Variants in WDR31 observed in about 807,000 individuals in gnomAD.
The protein encoded by WDR31 is WD repeat-containing protein 31.
Under a neutral mutation model 47.3 loss-of-function variants are expected in WDR31, and 30 were observed. The ratio of observed to expected loss-of-function variants is 0.63; its 90% confidence interval spans 0.47 to 0.86. The LOEUF is 0.86. Among genes scored for constraint, WDR31 ranks in the 40% least tolerant of loss-of-function variants. The pLI, the probability that WDR31 is intolerant of heterozygous loss-of-function variation, is 0.00. For synonymous variants in WDR31, 137 were observed against 159.4 expected, an observed-to-expected ratio of 0.86 and a Z score of 1.06; for missense variants, 406 against 442.9, an observed-to-expected ratio of 0.92 and a Z score of 0.75.
chr9:113,337,661 T>G (rs1046529634), intron 1 of WDR31, among the ~76,000 whole-genome samples: 1 of 152,090 alleles, frequency 6.6e-6, no homozygotes, highest in Non-Finnish European at 1.5e-5. Flanking sequence ...AGATGGGGTT[T>G]CACCATGTTG....
intron 3 of WDR31, 27 bp downstream of exon 3, chr9:113,331,880 T>C (rs373201943): frequency 1.3e-4 from 209 of 1,606,206 alleles, no homozygotes; most frequent in Non-Finnish European, 1.7e-4. Flanking sequence ...TGATAAAACC[T>C]GGGCTCCCAG....
intron 5 of WDR31, among the ~76,000 whole-genome samples, chr9:113,325,074 T>G (rs192209778): frequency 1.3e-5 from 2 of 152,190 alleles, no homozygotes; most frequent in African/African-American, 4.8e-5. Flanking sequence ...GCCTCCTGCA[T>G]AGCTGGGATT....
At chr9:113,329,712 G>A (rs1005242981) in intron 4 of WDR31, among the ~76,000 whole-genome samples, 2 of 151,634 alleles carry the variant, frequency 1.3e-5, no homozygotes, top group Non-Finnish European at 2.9e-5. Context: ...AGTGGCGCAC[G>A]CCTGTAATCC....
At position 113,321,621 on chromosome 9, in the gene WDR31, T is replaced by C. The variant is rs750507785; in HGVS notation, c.571-43A>G. 267 of 1,567,274 alleles carry C rather than the reference T, an allele frequency of 1.7e-4. 1 individual carries two copies. The highest frequency in any genetic ancestry group is 4.8e-5 in the Non-Finnish European group (55 of 1,140,004). ...TTCAGAACTTCTCCACACCAAGTCATTCCTCTGCTGTAATTCCTGTCAAAT... is the reference window on the plus strand; with the variant it reads ...TTCAGAACTTCTCCACACCAAGTCACTCCTCTGCTGTAATTCCTGTCAAAT... On this transcript the variant is annotated intron_variant, in intron 7 of 10. Coordinates refer to ENST00000374193, the MANE Select transcript of WDR31 (RefSeq NM_001012361.4).
intron 8 of WDR31, 48 bp downstream of exon 8, chr9:113,321,463 G>T: frequency 6.3e-7 from 1 of 1,585,292 alleles, no homozygotes; most frequent in Non-Finnish European, 8.7e-7. Context: ...ATGCATGGGA[G>T]CCACAAACCT....
chr9:113,339,524 G>C (rs959110659), intron 1 of WDR31, among the ~76,000 whole-genome samples: 9 of 152,128 alleles, frequency 5.9e-5, no homozygotes, highest in Non-Finnish European at 1.3e-4. Context: ...GGTCTGGTTC[G>C]ACCCTCTAAT....
At chr9:113,321,757 C>T (rs761127093) in intron 7 of WDR31, among the ~76,000 whole-genome samples, 179 bp from the exon 8 acceptor site, 13 of 152,122 alleles carry the variant, frequency 8.5e-5, no homozygotes, top group Non-Finnish European at 1.6e-4. Context: ...CCTGCATCTC[C>T]TAGGTTATCA....
At position 113,316,503 on chromosome 9, in the gene WDR31, A is replaced by G; in HGVS notation, c.*246T>C. 2.4e-6 allele frequency: 1 copy of G among 420,416 alleles called. No homozygotes were observed. Among genetic ancestry groups the G allele is most frequent in the East Asian group, 3.6e-5 (1 of 27,774 alleles). 26.0% of individuals were successfully genotyped at this position (420,416 alleles called of 1,614,324 possible). A position where few individuals can be genotyped will look rare whatever the true frequency, so the allele number is the denominator to read the frequency against. ...AAGAGTAGTCCTAAAAGCTCACTAA[A>G]AAGTTGCATTTGTATTTAACTTAAA... On this transcript the variant is annotated 3_prime_UTR_variant, in exon 11 of 11. Transcript: ENST00000374193.
chr9:113,321,893 C>A (rs548569310), intron 7 of WDR31, among the ~76,000 whole-genome samples: 42 of 152,306 alleles, frequency 2.8e-4, no homozygotes, highest in Admixed American at 6.5e-4. Context: ...CACTGAAACT[C>A]TAGCCCCAAC....
chr9:113,322,855 C>G lies in WDR31; in HGVS notation c.526G>C (p.Val176Leu). The change falls in exon 7 of 11, where the codon GTG (valine) becomes CTG (leucine). Residue 176 changes from valine to leucine, a missense_variant. Physicochemically the swap from Val to Leu is conservative, Grantham distance 32 (BLOSUM62 1). Coordinates refer to ENST00000374193, the MANE Select transcript of WDR31 (RefSeq NM_001012361.4). ...RDNTLLLWDV[V>L]TGQSVERASV... ...GCTCTTTCCACACTCTGTCCTGTCA[C>G]CACATCCCACAGAAGCAGGGTGTTG... 6.2e-7 allele frequency: 1 copy of G among 1,614,176 alleles called. No individual in the cohort carries two copies. The highest frequency in any genetic ancestry group is 1.7e-5 in the Admixed American group (1 of 60,012).
chr9:113,329,412 G>A (rs865911222), intron 4 of WDR31, among the ~76,000 whole-genome samples: 2 of 151,836 alleles, frequency 1.3e-5, no homozygotes, highest in Admixed American at 6.6e-5. Flanking sequence ...AGGCCAAGGC[G>A]GGCAGATCAC....
intron 3 of WDR31, 134 bp downstream of exon 3, chr9:113,331,771 AAC>A: frequency 1.3e-6 from 1 of 748,878 alleles, no homozygotes; most frequent in Non-Finnish European, 2.2e-6. Context: ...TCCAAAAGAA[AAC>A]ACACTAAACT....
Position 113,321,554 on chromosome 9 carries a change from T to C in WDR31, c.595A>G (p.Arg199Gly). The C allele has an allele frequency of 6.2e-7, 1 of 1,614,220 alleles. No homozygotes were observed. The highest frequency in any genetic ancestry group is 8.5e-7 in the Non-Finnish European group (1 of 1,180,038). ...GAGGTCTGTAGTATGTATGGTTCTC[T>C]GGGGACCCAGCACAGGTGAGTGACC... ...NVVTHLCWVP[R>G]EPYILQTSED... is the part of the protein sequence containing the mutation. The change falls in exon 8 of 11, where the codon AGA becomes GGA. Residue 199 changes from arginine to glycine, a missense_variant. By Grantham distance (125) the Arg-to-Gly change is moderately radical (BLOSUM62 -2). Transcript: ENST00000374193.
In WDR31 at chr9:113,331,132, A is replaced by G; in HGVS notation, c.117-16T>C. On this transcript the variant is annotated splice_polypyrimidine_tract_variant and intron_variant, in intron 3 of 10. Coordinates refer to ENST00000374193, the MANE Select transcript of WDR31 (RefSeq NM_001012361.4). Reference sequence around the variant, plus strand: ...ATCAGGCCTGCTAAAAAGAGTATAGAAAATGAGAGACCCAATGGCATGGGA... The same window carrying G: ...ATCAGGCCTGCTAAAAAGAGTATAGGAAATGAGAGACCCAATGGCATGGGA... The G allele has an allele frequency of 6.5e-7, 1 of 1,529,622 alleles. No homozygotes were observed. The highest frequency in any genetic ancestry group is 8.9e-7 in the Non-Finnish European group (1 of 1,127,494). 94.8% of individuals were successfully genotyped at this position (1,529,622 alleles called of 1,614,324 possible). A position where few individuals can be genotyped will look rare whatever the true frequency, so the allele number is the denominator to read the frequency against.
chr9:113,332,029 T>C lies in WDR31; in HGVS notation c.-7A>G. 6.2e-7 allele frequency: 1 copy of C among 1,611,910 alleles called. No individual in the cohort carries two copies. Among genetic ancestry groups the C allele is most frequent in the Non-Finnish European group, 8.5e-7 (1 of 1,178,050 alleles). ...GGCACCTGAGTAGCAGCATCCCTTG[T>C]GGCTGCTGGAAGTTGTGTTCCCTGT... is the stretch of plus-strand genomic sequence containing the variant. On this transcript the variant is annotated 5_prime_UTR_variant, in exon 3 of 11. Transcript: ENST00000374193.
rs766642401 is a variant in WDR31, at chr9:113,318,500, C to T, written c.918G>A (p.Val306=). 4 of 1,614,240 alleles carry T rather than the reference C, an allele frequency of 2.5e-6. No individual in the cohort carries two copies. Among genetic ancestry groups the T allele is most frequent in the Admixed American group, 3.3e-5 (2 of 60,034 alleles). ...CTCCAGTATCTTGGTTCCAAATCTT[C>T]ACCTTGCAATCATGTGATGAGGTAG... ...LIATSSHDCK[V]KIWNQDTGAC... The change falls in exon 10 of 11, where the codon GTG becomes GTA. Residue 306 remains valine, a synonymous_variant. Coordinates refer to ENST00000374193, the MANE Select transcript of WDR31 (RefSeq NM_001012361.4).
At position 113,320,465 on chromosome 9, in the gene WDR31, A is replaced by G; in HGVS notation, c.672T>C (p.His224=). Residue 224 remains histidine, a synonymous_variant, in exon 9 of 11, where the codon CAT becomes CAC. Coordinates refer to ENST00000374193, the MANE Select transcript of WDR31 (RefSeq NM_001012361.4). ...LWDSRGLQVA[H]MFPAKQHIQT... Reference sequence around the variant, plus strand: ...GAATGTGCTGCTTTGCAGGAAACATATGAGCTACCTGCAGCCCCCGACTGT... The same window carrying G: ...GAATGTGCTGCTTTGCAGGAAACATGTGAGCTACCTGCAGCCCCCGACTGT... 1.9e-6 allele frequency: 3 copies of G among 1,614,240 alleles called. No homozygotes were observed. The highest frequency in any genetic ancestry group is 2.5e-6 in the Non-Finnish European group (3 of 1,180,026).
chr9:113,329,281 C>T (rs941350062), intron 4 of WDR31, among the ~76,000 whole-genome samples: 1 of 152,062 alleles, frequency 6.6e-6, no homozygotes, highest in Admixed American at 6.6e-5. Flanking sequence ...GAGAATTCCA[C>T]ATAAGGTTAG....
intron 10 of WDR31, 132 bp from the exon 11 acceptor site, chr9:113,317,041 C>T: frequency 1.8e-6 from 2 of 1,102,326 alleles, no homozygotes; most frequent in Non-Finnish European, 2.5e-6. Context: ...GACCCCACTT[C>T]TTCAGAGGAA....
Sources: gnomAD v4.1 joint callset for allele counts (sites outside exome capture counted in the v4.1 genomes callset) on GRCh38, gnomAD v4.1.1 for gene constraint, MANE v1.5 for transcripts, NCBI Gene and HGNC (gene_info 2026-07-23, HGNC 2026-07-21) for gene names.